NAE1: variants seen among roughly 807,000 people sequenced by gnomAD.
NAE1 encodes the protein NEDD8-activating enzyme E1 regulatory subunit.
NAE1 carries 59 observed loss-of-function variants against 88.0 expected under a neutral mutation model. The ratio of observed to expected loss-of-function variants is 0.67; its 90% CI spans 0.54 to 0.83. NAE1 has a LOEUF of 0.83. NAE1 is among the 40% of genes least tolerant of loss of function. The pLI is 0.00. For synonymous variants in NAE1, 186 were observed against 208.9 expected, an observed-to-expected ratio of 0.89 and a Z score of 0.95; for missense variants, 554 against 632.8, an observed-to-expected ratio of 0.88 and a Z score of 1.34.
At chr16:66,810,627 G>A (rs1363933699) in intron 14 of NAE1, 70 bp downstream of exon 14, 6 of 1,402,660 alleles carry the variant, frequency 4.3e-6, no homozygotes, top group East Asian at 2.3e-5. Context: ...CACACCCTCT[G>A]TCTCTAAACC....
At chr16:66,805,492 A>T (rs555720928) in intron 19 of NAE1, 1 of 327,724 alleles carries the variant, frequency 3.1e-6, no homozygotes, top group Admixed American at 4.9e-5. Flanking sequence ...TTGAAAAATT[A>T]GCCAGGCTTA....
chr16:66,823,160 G>A (rs941864960), intron 6 of NAE1, 67 bp downstream of exon 6: 12 of 999,034 alleles, frequency 1.2e-5, no homozygotes, highest in Non-Finnish European at 1.8e-5. Flanking sequence ...CATAGACTGT[G>A]CAAAGAAAAT....
chr16:66,805,698 G>A, intron 19 of NAE1, 79 bp downstream of exon 19: 6 of 1,175,446 alleles, frequency 5.1e-6, no homozygotes, highest in South Asian at 3.1e-5. Context: ...AATTAAAATA[G>A]CTAGACGACA....
In NAE1 at chr16:66,811,863, C is replaced by T. The variant is rs550243749; in HGVS notation, c.1035-1091G>A. On this transcript the variant is annotated intron_variant, in intron 13 of 19. Coordinates refer to ENST00000290810, the MANE Select transcript of NAE1 (RefSeq NM_003905.4). ...TAGGCTAGGACAACAAACCAAGATT[C>T]GTTCAATGGTGACATGATAAAGAGT... Among the ~76,000 whole-genome samples, 7 of 152,286 alleles carry T rather than the reference C, an allele frequency of 4.6e-5. No homozygotes were observed. In the East Asian group the frequency reaches 1.2e-3, roughly 25 times the overall value.
At chr16:66,824,969 T>C in intron 3 of NAE1, 84 bp from the exon 4 acceptor site, 2 of 1,216,036 alleles carry the variant, frequency 1.6e-6, no homozygotes, top group Non-Finnish European at 2.3e-6. Context: ...GCATATTTCA[T>C]TCACAGTATA....
chr16:66,803,107 G>A lies in NAE1; in HGVS notation c.1507C>T (p.Gln503Ter), dbSNP rs1401808620. 1 of 1,603,870 alleles carries A rather than the reference G, an allele frequency of 6.2e-7. No homozygotes were observed. Among genetic ancestry groups the A allele is most frequent in the Non-Finnish European group, 8.5e-7 (1 of 1,172,138 alleles). Residue 503 changes from glutamine (Q) to a stop codon, truncating the protein, a stop_gained, in exon 20 of 20, where the codon CAA (glutamine) becomes TAA (stop). Transcript: ENST00000290810. LOFTEE classifies it high-confidence loss of function. ...TTGGTGATTATTTTGATGACCTCTT[G>A]AGCAGCAGCTCCTGAAAGGAAAAAG... ...IAAFLGGAAA[Q>*]EVIKIITKQF... is the part of the protein sequence containing the mutation.
intron 8 of NAE1, 63 bp from the exon 9 acceptor site, chr16:66,817,550 G>A (rs995102057): frequency 1.9e-5 from 21 of 1,119,896 alleles, no homozygotes; most frequent in Middle Eastern, 2.7e-4. Context: ...GTACCATCTC[G>A]TTTTCAACAA....
intron 8 of NAE1, among the ~76,000 whole-genome samples, chr16:66,817,765 C>G (rs1960103947): frequency 6.6e-6 from 1 of 152,056 alleles, no homozygotes; most frequent in Non-Finnish European, 1.5e-5. Context: ...ATTTCAGACA[C>G]CAATCCTAAG....
chr16:66,823,805 C>A (rs569904700), intron 4 of NAE1, among the ~76,000 whole-genome samples: 1 of 152,202 alleles, frequency 6.6e-6, no homozygotes, highest in Non-Finnish European at 1.5e-5. Flanking sequence ...GATCATAGCT[C>A]ACTGCAGCCT....
Position 66,816,593 on chromosome 16 carries a change from T to C in NAE1, c.828A>G (p.Leu276=). The change falls in exon 11 of 20, where the codon CTA becomes CTG. Residue 276 remains leucine, a synonymous_variant. Coordinates refer to ENST00000290810, the MANE Select transcript of NAE1 (RefSeq NM_003905.4). Reference sequence around the variant, plus strand: ...ACTCTTTCATTACCTGAGTTGTATTTAGTGCTGTGTTCACATTTTTAATAG... The same window carrying C: ...ACTCTTTCATTACCTGAGTTGTATTCAGTGCTGTGTTCACATTTTTAATAG... The part of the protein sequence containing the change: ...EEAIKNVNTA[L]NTTQIPSSIE... 1 of 1,608,738 alleles carries C rather than the reference T, an allele frequency of 6.2e-7. No homozygotes were observed. Among genetic ancestry groups the C allele is most frequent in the African/African-American group, 1.3e-5 (1 of 74,926 alleles).
Position 66,830,936 on chromosome 16 carries a change from G to C in NAE1, c.-37C>G. On this transcript the variant is annotated 5_prime_UTR_variant, in exon 1 of 20. Transcript: ENST00000290810. ...CCGCGCGGAAAACAGCCGAGCCCCT[G>C]CGGAGCGCCGCCACCAGCTCCACAA... The C allele has an allele frequency of 6.7e-7, 1 of 1,496,120 alleles. No individual in the cohort carries two copies. The highest frequency in any genetic ancestry group is 8.8e-7 in the Non-Finnish European group (1 of 1,130,168). 92.7% of individuals were successfully genotyped at this position (1,496,120 alleles called of 1,614,324 possible). A position where few individuals can be genotyped will look rare whatever the true frequency, so the allele number is the denominator to read the frequency against.
intron 2 of NAE1, 46 bp from the exon 3 acceptor site, chr16:66,826,629 A>G: frequency 6.2e-7 from 1 of 1,613,794 alleles, no homozygotes; most frequent in Admixed American, 1.7e-5. Context: ...GTTCTAGGTC[A>G]TAAACTTAAA....
At chr16:66,811,516 T>C (rs1959797137) in intron 13 of NAE1, among the ~76,000 whole-genome samples, 1 of 152,110 alleles carries the variant, frequency 6.6e-6, no homozygotes, top group Non-Finnish European at 1.5e-5. Context: ...ACTCTGTATT[T>C]ATTATGAGAG....
At chr16:66,809,195 A>G (rs1760185399) in intron 15 of NAE1, 120 bp from the exon 16 acceptor site, 1 of 636,136 alleles carries the variant, frequency 1.6e-6, no homozygotes, top group Non-Finnish European at 2.6e-6. Flanking sequence ...GAATGTGAAG[A>G]AATGTTTTCT....
At chr16:66,828,264 G>A in intron 1 of NAE1, 1 of 447,446 alleles carries the variant, frequency 2.2e-6, no homozygotes. Context: ...GCGGAGGCAG[G>A]CAGATCACCT....
chr16:66,818,780 C>G, intron 7 of NAE1, 143 bp from the exon 8 acceptor site: 1 of 1,127,266 alleles, frequency 8.9e-7, no homozygotes, highest in Non-Finnish European at 1.2e-6. Flanking sequence ...AAGGGATCCT[C>G]CCACCTCAGC....
At chr16:66,804,401 A>G (rs1959478854) in intron 19 of NAE1, among the ~76,000 whole-genome samples, 1 of 152,222 alleles carries the variant, frequency 6.6e-6, no homozygotes, top group African/African-American at 2.4e-5. Context: ...AAATTTTGCT[A>G]CTTTGGCACA....
chr16:66,806,707 C>T (rs901599234), intron 17 of NAE1, among the ~76,000 whole-genome samples: 2 of 152,166 alleles, frequency 1.3e-5, no homozygotes, highest in Non-Finnish European at 2.9e-5. Context: ...GCCACCATGC[C>T]TGGCCAATAA....
intron 4 of NAE1, among the ~76,000 whole-genome samples, chr16:66,824,251 A>C (rs1256307045): frequency 3.3e-5 from 5 of 152,192 alleles, no homozygotes; most frequent in Non-Finnish European, 7.4e-5. Context: ...AAGAGTGGTT[A>C]ATCACTAAGC....
Sources: gnomAD v4.1 joint callset for allele counts (sites outside exome capture counted in the v4.1 genomes callset) on GRCh38, gnomAD v4.1.1 for gene constraint, MANE v1.5 for transcripts, NCBI Gene and HGNC (gene_info 2026-07-23, HGNC 2026-07-21) for gene names.